Variants in PCDHGA9 observed in about 807,000 individuals in gnomAD.
PCDHGA9 encodes protocadherin gamma subfamily A, 9.
In PCDHGA9, 37 loss-of-function variants were observed where a neutral mutation model predicts 62.5. The observed-to-expected ratio is 0.59, with a 90% CI of 0.46 to 0.78. The LOEUF (loss-of-function observed/expected upper bound fraction) is 0.78. Ranked by LOEUF, PCDHGA9 falls within the 30% of genes least tolerant of loss-of-function variation. The pLI is 0.00. For missense variants in PCDHGA9, 1,138 were observed against 1,166.2 expected, an observed-to-expected ratio of 0.98 and a Z score of 0.35; for synonymous variants, 459 against 484.6, an observed-to-expected ratio of 0.95 and a Z score of 0.69.
rs1002764667 is a variant in PCDHGA9, at chr5:141,468,260, G to A, written c.2425-26547G>A. 4.0e-5 allele frequency among the ~76,000 whole-genome samples: 6 copies of A among 150,102 alleles called. No homozygotes were observed. The East Asian group carries it at 1.2e-3, about 30-fold the overall frequency. ...GAATTGCCTGAACCTGGGAGGCAGA[G>A]GTTGTGGTGAGCCGAGACCACGCCA... On this transcript the variant is annotated intron_variant, in intron 1 of 3. Coordinates refer to ENST00000573521, the MANE Select transcript of PCDHGA9 (RefSeq NM_018921.3).
chr5:141,469,500 G>A (rs1471801110), intron 1 of PCDHGA9, among the ~76,000 whole-genome samples: 4 of 151,914 alleles, frequency 2.6e-5, no homozygotes, highest in South Asian at 2.1e-4. Flanking sequence ...GCTTGAACCC[G>A]GGAGGTGGAG....
At chr5:141,457,393 T>G (rs1299068071) in intron 1 of PCDHGA9, among the ~76,000 whole-genome samples, 1 of 152,228 alleles carries the variant, frequency 6.6e-6, no homozygotes, top group African/African-American at 2.4e-5. Flanking sequence ...AGCATATTGA[T>G]TCACATTTTC....
At position 141,476,716 on chromosome 5, in the gene PCDHGA9, C is replaced by G; in HGVS notation, c.2425-18091C>G. The G allele has an allele frequency of 6.2e-7, 1 of 1,614,148 alleles. No individual in the cohort carries two copies. On this transcript the variant is annotated intron_variant, in intron 1 of 3. Transcript: ENST00000573521. The surrounding 1 kb of genome is among the most constrained non-coding windows in gnomAD (Gnocchi z 7.6). The stretch of plus-strand genomic sequence containing the variant: ...AGTACGCGGAGCTGGTGTTGGAGCG[C>G]GCCCTGGACCGAGAACGGGAGCCTA...
Position 141,402,801 on chromosome 5 carries a change from G to A in PCDHGA9, c.-152G>A. On this transcript the variant is annotated 5_prime_UTR_variant, in exon 1 of 4. Coordinates refer to ENST00000573521, the MANE Select transcript of PCDHGA9 (RefSeq NM_018921.3). ...CCAGTTCTGCGGCTACACAAAACCC[G>A]GCAGATACCACAAACCTGCTCCCAG... The A allele has an allele frequency of 5.6e-6, 6 of 1,078,624 alleles. No individual in the cohort carries two copies. Among genetic ancestry groups the A allele is most frequent in the Non-Finnish European group, 7.6e-6 (6 of 786,480 alleles). 66.8% of individuals were successfully genotyped at this position (1,078,624 alleles called of 1,614,324 possible).
intron 1 of PCDHGA9, among the ~76,000 whole-genome samples, chr5:141,482,866 G>A (rs768388750): frequency 2.7e-5 from 4 of 150,296 alleles, no homozygotes; most frequent in Non-Finnish European, 4.4e-5. Flanking sequence ...GAGGTCAGGA[G>A]TTTGAAACCA....
chr5:141,407,473 G>A (rs753514459), intron 1 of PCDHGA9, among the ~76,000 whole-genome samples: 4 of 145,182 alleles, frequency 2.8e-5, no homozygotes, highest in Non-Finnish European at 4.6e-5. Context: ...ATGACTGAAT[G>A]GAGTATGGAA....
intron 1 of PCDHGA9, chr5:141,484,931 A>T: frequency 4.0e-6 from 2 of 498,120 alleles, no homozygotes; most frequent in South Asian, 5.3e-5. Context: ...TGCTGTTGGG[A>T]CGTTCTCTGC....
Position 141,511,030 on chromosome 5 carries a change from C to A in PCDHGA9, c.2656C>A (p.Gln886Lys). 9 of 1,614,224 alleles carry A rather than the reference C, an allele frequency of 5.6e-6. No individual in the cohort carries two copies. Among genetic ancestry groups the A allele is most frequent in the Non-Finnish European group, 7.6e-6 (9 of 1,180,032 alleles). Residue 886 changes from glutamine (Q) to lysine (K), a missense_variant, in exon 4 of 4, where the codon CAG (glutamine) becomes AAG (lysine). Transcript: ENST00000573521. ...SARYGPQFTLQHVPDYRQNVY... is the reference protein window; with the variant it reads ...SARYGPQFTLKHVPDYRQNVY... ...CCGCTACGGACCCCAGTTCACCCTGCAGCACGTGCCCGACTACCGCCAGAA... is the reference window on the plus strand; with the variant it reads ...CCGCTACGGACCCCAGTTCACCCTGAAGCACGTGCCCGACTACCGCCAGAA...
intron 1 of PCDHGA9, chr5:141,422,106 C>T: frequency 6.2e-7 from 1 of 1,607,266 alleles, no homozygotes; most frequent in Non-Finnish European, 8.5e-7. Flanking sequence ...CTGAAATATT[C>T]CAATTGGATT....
At chr5:141,415,686 G>A in intron 1 of PCDHGA9, 2 of 1,535,424 alleles carry the variant, frequency 1.3e-6, no homozygotes, top group Non-Finnish European at 1.8e-6. Context: ...GCGGCATGAT[G>A]GTGGAAAGTG....
rs2094362720 is a variant in PCDHGA9 at position 141,403,153 on chromosome 5, C to T, written c.201C>T (p.Val67=). Residue 67 remains valine (V), a synonymous_variant, in exon 1 of 4, where the codon GTC becomes GTT. Transcript: ENST00000573521. The part of the protein sequence containing the change: ...RELAERRVRI[V]SRGRTQLFSL... ...TGGCGGAGCGCCGAGTCCGCATCGT[C>T]TCTAGAGGTAGGACGCAGCTTTTCT... is the stretch of plus-strand genomic sequence containing the variant. 2 of 1,614,060 alleles carry T rather than the reference C, an allele frequency of 1.2e-6. No individual in the cohort carries two copies. Among genetic ancestry groups the T allele is most frequent in the Non-Finnish European group, 1.7e-6 (2 of 1,179,922 alleles).
At position 141,433,142 on chromosome 5, in the gene PCDHGA9, G is replaced by T. The variant is rs2097571106; in HGVS notation, c.2424+27766G>T. On this transcript the variant is annotated intron_variant, in intron 1 of 3. Coordinates refer to ENST00000573521, the MANE Select transcript of PCDHGA9 (RefSeq NM_018921.3). ...AAAAAGCGAGCCCCTTTTGCTGTCA[G>T]GTGATTCGGTATTTTCTAAAGACAG... The T allele has an allele frequency of 4.7e-5, 76 of 1,613,992 alleles. No homozygotes were observed. Among genetic ancestry groups the T allele is most frequent in the Non-Finnish European group, 6.4e-5 (76 of 1,180,016 alleles).
At chr5:141,442,253 G>A (rs910914393) in intron 1 of PCDHGA9, 2 of 153,064 alleles carry the variant, frequency 1.3e-5, no homozygotes, top group Non-Finnish European at 2.9e-5. Flanking sequence ...TGCATTGTTT[G>A]TGCTGGTTTT....
chr5:141,438,631 TATATACACACAC>T (rs1290318462), intron 1 of PCDHGA9, among the ~76,000 whole-genome samples: 214 of 43,192 alleles, frequency 5.0e-3, no homozygotes, highest in Non-Finnish European at 6.1e-3. Flanking sequence ...TATATATATA[TATATACACACAC>T]ACACACACAT....
intron 2 of PCDHGA9, among the ~76,000 whole-genome samples, chr5:141,502,989 G>A (rs140974023): frequency 0.024 from 3,652 of 150,590 alleles, 56 homozygotes; most frequent in East Asian, 0.043. Context: ...GATTACAGGC[G>A]TGTGCCACCA....
chr5:141,415,095 C>G, intron 1 of PCDHGA9: 2 of 1,613,584 alleles, frequency 1.2e-6, no homozygotes, highest in Non-Finnish European at 1.7e-6. Context: ...TGGACAGAGA[C>G]GCGCTCAAGC....
chr5:141,508,790 C>T (rs1181979966), intron 3 of PCDHGA9, among the ~76,000 whole-genome samples: 1 of 152,072 alleles, frequency 6.6e-6, no homozygotes, highest in African/African-American at 2.4e-5. Flanking sequence ...CCCTAAATCA[C>T]TCTGGAATCC....
At position 141,487,198 on chromosome 5, in the gene PCDHGA9, T is replaced by A; in HGVS notation, c.2425-7609T>A. The A allele has an allele frequency of 1.2e-6, 2 of 1,613,854 alleles. No individual in the cohort carries two copies. The highest frequency in any genetic ancestry group is 1.7e-6 in the Non-Finnish European group (2 of 1,179,722). ...AAGACACTCATCCAGTTGTCCCAGATCTTCGAGAATCTTCAGCTCCAAGGG... is the reference window on the plus strand; with the variant it reads ...AAGACACTCATCCAGTTGTCCCAGAACTTCGAGAATCTTCAGCTCCAAGGG... On this transcript the variant is annotated intron_variant, in intron 1 of 3. Transcript: ENST00000573521. The surrounding 1 kb of genome is among the most constrained non-coding windows in gnomAD (Gnocchi z 5.0).
intron 1 of PCDHGA9, chr5:141,429,222 T>C (rs897099159): frequency 6.6e-6 from 1 of 151,494 alleles, no homozygotes; most frequent in Non-Finnish European, 1.5e-5. Context: ...AAAGTGGGTA[T>C]TATGATACTG....
Sources: gnomAD v4.1 joint callset for allele counts (sites outside exome capture counted in the v4.1 genomes callset) on GRCh38, gnomAD v4.1.1 for gene constraint, Gnocchi (gnomAD v3.1) non-coding constraint, MANE v1.5 for transcripts, NCBI Gene and HGNC (gene_info 2026-07-23, HGNC 2026-07-21) for gene names.